RAD51B: variants seen among roughly 807,000 people sequenced by gnomAD.
The protein encoded by RAD51B is DNA repair protein RAD51 homolog 2.
RAD51B carries 38 observed loss-of-function variants against 42.2 expected under a neutral mutation model. That is an observed-to-expected ratio of 0.90 (90% CI 0.70 to 1.18). The LOEUF (loss-of-function observed/expected upper bound fraction) is 1.18, where lower values mean the gene tolerates loss of function less well. RAD51B is among the 50% of genes most tolerant of loss of function. The pLI is 0.00. For missense variants in RAD51B, 373 were observed against 400.7 expected (o/e 0.93, Z 0.59); for synonymous variants, 154 against 145.2 (o/e 1.06, Z -0.43).
chr14:68,405,695 C>CT (rs1055537772), intron 8 of RAD51B, among the ~76,000 whole-genome samples: 4 of 151,944 alleles, frequency 2.6e-5, no homozygotes, highest in African/African-American at 9.7e-5. Flanking sequence ...TACATGGGTA[C>CT]TTTTTTATAC....
intron 10 of RAD51B, among the ~76,000 whole-genome samples, chr14:68,521,325 T>C (rs1473221080): frequency 1.3e-5 from 2 of 152,200 alleles, no homozygotes; most frequent in Non-Finnish European, 2.9e-5. Context: ...TCCCTTCTCA[T>C]GAGCCAGGCA....
At chr14:68,600,570 C>T (rs567380021), downstream of RAD51B, among the ~76,000 whole-genome samples, 185 of 152,252 alleles carry the variant, frequency 1.2e-3, 1 homozygote, top group African/African-American at 3.9e-3. Context: ...CATCAGCACC[C>T]GCTGGGGCCA....
At chr14:68,576,434 A>G (rs1889965282) in intron 10 of RAD51B, among the ~76,000 whole-genome samples, 2 of 152,226 alleles carry the variant, frequency 1.3e-5, no homozygotes, top group Admixed American at 1.3e-4. Flanking sequence ...GCTTTGGGGA[A>G]TGAGAAGTAA....
intron 10 of RAD51B, chr14:68,627,184 T>C (rs953576740): frequency 6.6e-6 from 1 of 152,240 alleles, no homozygotes; most frequent in African/African-American, 2.4e-5. Flanking sequence ...AAATTGTTTA[T>C]CTGCCCTTGC....
rs1027119919 is a variant in RAD51B, at chr14:67,831,795, C to T, written c.199-3285C>T. On this transcript the variant is annotated intron_variant, in intron 3 of 10. Coordinates refer to ENST00000471583, the MANE Select transcript of RAD51B (RefSeq NM_133510.4). ...CGGACCTCAGGTGATACGCCGGCCTCGGCCTCCCAAAATGCTGGGATTACA... is the reference window on the plus strand; with the variant it reads ...CGGACCTCAGGTGATACGCCGGCCTTGGCCTCCCAAAATGCTGGGATTACA... Among the ~76,000 whole-genome samples the T allele has an allele frequency of 1.9e-4, 29 of 152,240 alleles. 1 individual carries two copies. Among genetic ancestry groups the T allele is most frequent in the Admixed American group, 1.2e-3 (18 of 15,286 alleles).
At chr14:68,250,220 A>G (rs2080592452) in intron 7 of RAD51B, among the ~76,000 whole-genome samples, 1 of 152,186 alleles carries the variant, frequency 6.6e-6, no homozygotes, top group Non-Finnish European at 1.5e-5. Context: ...TCTCCCTACC[A>G]GTCCCCCTCA....
chr14:67,947,118 G>A lies in RAD51B; in HGVS notation c.756+59914G>A, dbSNP rs117701201. 6.1e-3 allele frequency among the ~76,000 whole-genome samples: 922 copies of A among 152,204 alleles called. 7 individuals carry two copies. The highest frequency in any genetic ancestry group is 0.017 in the Middle Eastern group (5 of 294). On this transcript the variant is annotated intron_variant, in intron 7 of 10. Coordinates refer to ENST00000471583, the MANE Select transcript of RAD51B (RefSeq NM_133510.4). ...TAGTGCTGTGCCCTGAACTTAACAC[G>A]TGCTTATTAAATATTAACTATTGCT...
intron 7 of RAD51B, among the ~76,000 whole-genome samples, chr14:67,902,816 C>T (rs1406225751): frequency 5.9e-5 from 9 of 152,160 alleles, no homozygotes; most frequent in African/African-American, 1.9e-4. Flanking sequence ...CTATAATGGC[C>T]ACCTTTGGAG....
chr14:68,230,770 T>C (rs868804949), intron 7 of RAD51B, among the ~76,000 whole-genome samples: 4 of 152,240 alleles, frequency 2.6e-5, no homozygotes, highest in African/African-American at 9.6e-5. Flanking sequence ...GTGATTTTAG[T>C]GTTCTTTTGT....
chr14:68,656,295 A>G (rs568951029), intron 11 of RAD51B, among the ~76,000 whole-genome samples: 2 of 152,280 alleles, frequency 1.3e-5, no homozygotes, highest in East Asian at 3.9e-4. Context: ...ATCTCAGCCC[A>G]CCCACAGAGA....
At chr14:67,926,558 C>CTTTTTTTTTTTT (rs534207569) in intron 7 of RAD51B, among the ~76,000 whole-genome samples, 2 of 85,112 alleles carry the variant, frequency 2.3e-5, no homozygotes, top group African/African-American at 4.6e-5. Context: ...GATATGTTTC[C>CTTTTTTTTTTTT]TTTTTTTTTT....
intron 8 of RAD51B, among the ~76,000 whole-genome samples, chr14:68,342,074 C>G (rs866823309): frequency 6.6e-6 from 1 of 152,262 alleles, no homozygotes; most frequent in Middle Eastern, 3.4e-3. Context: ...TGTTTGCTCC[C>G]CATATAATTT....
chr14:67,933,013 C>A (rs998387347), intron 7 of RAD51B, among the ~76,000 whole-genome samples: 6 of 152,170 alleles, frequency 3.9e-5, no homozygotes, highest in African/African-American at 1.4e-4. Flanking sequence ...TCCATTGGTG[C>A]AGGCAGGGTC....
At chr14:68,090,670 A>G (rs552549378) in intron 7 of RAD51B, among the ~76,000 whole-genome samples, 2 of 150,980 alleles carry the variant, frequency 1.3e-5, no homozygotes, top group South Asian at 2.1e-4. Context: ...CTGGGTCTGT[A>G]TGATTTTATT....
Position 68,542,079 on chromosome 14 carries a change from G to C in RAD51B, c.1037-52406G>C, listed in dbSNP as rs201885493. On this transcript the variant is annotated intron_variant, in intron 10 of 10. Transcript: ENST00000487270. ...CAAAAGTAATTTTTTTAAAGGCTGAGATAAAGATGAAGTAAGCAATAGTTT... is the reference window on the plus strand; with the variant it reads ...CAAAAGTAATTTTTTTAAAGGCTGACATAAAGATGAAGTAAGCAATAGTTT... 2.6e-5 allele frequency among the ~76,000 whole-genome samples: 4 copies of C among 152,122 alleles called. No homozygotes were observed. The East Asian group carries it at 7.7e-4, about 29-fold the overall frequency.
At chr14:68,336,301 A>T (rs1418816773) in intron 8 of RAD51B, among the ~76,000 whole-genome samples, 1 of 152,222 alleles carries the variant, frequency 6.6e-6, no homozygotes, top group East Asian at 1.9e-4. Context: ...TTTAACTTGG[A>T]TGAGTCTTGG....
intron 7 of RAD51B, among the ~76,000 whole-genome samples, chr14:68,125,744 G>GTTTTTT: frequency 7.0e-6 from 1 of 143,220 alleles, no homozygotes; most frequent in African/African-American, 3.0e-5. Context: ...AGAGGTTTTT[G>GTTTTTT]TTTTGTTTTG....
At chr14:68,087,215 A>G (rs2076998880) in intron 7 of RAD51B, among the ~76,000 whole-genome samples, 1 of 151,862 alleles carries the variant, frequency 6.6e-6, no homozygotes, top group Non-Finnish European at 1.5e-5. Context: ...TGATCCCCAG[A>G]GATTCCATTA....
intron 7 of RAD51B, among the ~76,000 whole-genome samples, chr14:68,153,587 C>G (rs1595478896): frequency 1.3e-5 from 2 of 152,074 alleles, no homozygotes; most frequent in African/African-American, 4.8e-5. Context: ...CTCTAATGAT[C>G]AGTGATATTG....
Sources: gnomAD v4.1 joint callset for allele counts (sites outside exome capture counted in the v4.1 genomes callset) on GRCh38, gnomAD v4.1.1 for gene constraint, MANE v1.5 for transcripts, NCBI Gene and HGNC (gene_info 2026-07-23, HGNC 2026-07-21) for gene names.